Variants in IL20RA observed in about 807,000 individuals in gnomAD.
IL20RA encodes the protein interleukin 20 receptor subunit alpha.
A neutral mutation model predicts 36.5 loss-of-function variants in IL20RA; 29 were observed. The ratio of observed to expected loss-of-function variants is 0.79; its 90% confidence interval spans 0.59 to 1.08. IL20RA has a LOEUF of 1.08. IL20RA is among the 50% of genes least tolerant of loss of function. The probability of loss-of-function intolerance (pLI) is 0.00; values close to 1 mark genes in which losing one functional copy is unlikely to be tolerated. For synonymous variants in IL20RA, 279 were observed against 267.1 expected (o/e 1.04, Z -0.43); for missense variants, 652 against 668.4 (o/e 0.98, Z 0.27).
At chr6:137,011,155 G>A in intron 3 of IL20RA, 119 bp downstream of exon 3, 1 of 756,004 alleles carries the variant, frequency 1.3e-6, no homozygotes, top group South Asian at 2.0e-5. Context: ...CAACCCACTG[G>A]TCCAGAATAC....
At position 137,000,891 on chromosome 6, in the gene IL20RA, T is replaced by G. The variant is rs968254991; in HGVS notation, c.*667A>C. ...CTAAATTATTGAGAGGACACTTTTCTGACTACAAAAGAATACTCGTTTATG... is the reference window on the plus strand; with the variant it reads ...CTAAATTATTGAGAGGACACTTTTCGGACTACAAAAGAATACTCGTTTATG... On this transcript the variant is annotated 3_prime_UTR_variant, in exon 7 of 7. Coordinates refer to ENST00000316649, the MANE Select transcript of IL20RA (RefSeq NM_014432.4). 8 of 152,224 alleles carry G rather than the reference T, an allele frequency of 5.3e-5. No homozygotes were observed. The highest frequency in any genetic ancestry group is 1.7e-4 in the African/African-American group (7 of 41,452). 9.4% of individuals were successfully genotyped at this position (152,224 alleles called of 1,614,324 possible).
intron 1 of IL20RA, among the ~76,000 whole-genome samples, chr6:137,038,323 C>T (rs1776564252): frequency 6.9e-6 from 1 of 145,150 alleles, no homozygotes; most frequent in African/African-American, 2.6e-5. Flanking sequence ...TCAAGTGATC[C>T]TCCTGCCTCA....
At chr6:137,016,837 T>G in intron 2 of IL20RA, 131 bp downstream of exon 2, 1 of 844,224 alleles carries the variant, frequency 1.2e-6, no homozygotes, top group Non-Finnish European at 1.9e-6. Flanking sequence ...CCAGAAAACT[T>G]AACCTGAAAT....
chr6:137,044,716 C>T lies in IL20RA; in HGVS notation c.13G>A (p.Gly5Ser). The stretch of plus-strand genomic sequence containing the variant: ...GGCAGCGGCCGCAGGGCCGGGCGGC[C>T]GGGAGCCCGCATGGGCGGCGGGGCT... MRAPGRPALRPLPLP... is the reference protein window; with the variant it reads MRAPSRPALRPLPLP... Residue 5 changes from glycine (G) to serine (S), a missense_variant, in exon 1 of 7, where the codon GGC becomes AGC. Gly to Ser is a moderately conservative substitution (Grantham distance 56). Coordinates refer to ENST00000316649, the MANE Select transcript of IL20RA (RefSeq NM_014432.4). 8 of 1,219,852 alleles carry T rather than the reference C, an allele frequency of 6.6e-6. No individual in the cohort carries two copies. The highest frequency in any genetic ancestry group is 8.2e-6 in the Non-Finnish European group (8 of 980,746). 75.6% of individuals were successfully genotyped at this position (1,219,852 alleles called of 1,614,324 possible).
chr6:137,012,939 T>C (rs1775550062), intron 2 of IL20RA, among the ~76,000 whole-genome samples: 1 of 152,094 alleles, frequency 6.6e-6, no homozygotes, highest in Admixed American at 6.5e-5. Flanking sequence ...AACTTCTCCA[T>C]CCAAGTGATC....
chr6:137,006,726 C>CTTTT (rs35093154), intron 5 of IL20RA, among the ~76,000 whole-genome samples: 5 of 144,470 alleles, frequency 3.5e-5, no homozygotes, highest in Non-Finnish European at 7.6e-5. Context: ...ATTTTTCTTT[C>CTTTT]TTTTTTTTTT....
intron 1 of IL20RA, among the ~76,000 whole-genome samples, chr6:137,021,184 G>A (rs1240779158): frequency 6.6e-6 from 1 of 152,020 alleles, no homozygotes; most frequent in Non-Finnish European, 1.5e-5. Flanking sequence ...TGGATTAGTA[G>A]TATTTTGTTA....
intron 5 of IL20RA, among the ~76,000 whole-genome samples, chr6:137,005,181 T>C (rs1775236349): frequency 6.6e-6 from 1 of 152,234 alleles, no homozygotes; most frequent in South Asian, 2.1e-4. Context: ...TGCTCCACTT[T>C]TCCACGCCAC....
chr6:137,011,541 T>A, intron 2 of IL20RA, 89 bp from the exon 3 acceptor site: 1 of 828,252 alleles, frequency 1.2e-6, no homozygotes, highest in Non-Finnish European at 1.7e-6. Context: ...TGAATGGAAC[T>A]GACGACCTTC....
intron 4 of IL20RA, 75 bp from the exon 5 acceptor site, chr6:137,008,818 G>T: frequency 1.1e-6 from 1 of 941,240 alleles, no homozygotes; most frequent in Non-Finnish European, 1.5e-6. Flanking sequence ...ACTGTAGAAG[G>T]AAATAGAAGA....
chr6:137,033,468 C>G (rs1228613500), intron 1 of IL20RA, among the ~76,000 whole-genome samples: 2 of 152,222 alleles, frequency 1.3e-5, no homozygotes, highest in Non-Finnish European at 2.9e-5. Flanking sequence ...GGAATGCCCA[C>G]AAAGTGGGCA....
At chr6:137,040,718 C>T (rs188303975) in intron 1 of IL20RA, among the ~76,000 whole-genome samples, 9 of 152,114 alleles carry the variant, frequency 5.9e-5, no homozygotes, top group Admixed American at 4.6e-4. Context: ...TGAATAAATA[C>T]CTAAAAAGGC....
intron 1 of IL20RA, among the ~76,000 whole-genome samples, chr6:137,036,095 C>T (rs532921385): frequency 2.6e-5 from 4 of 152,270 alleles, no homozygotes; most frequent in East Asian, 1.9e-4. Flanking sequence ...GGTCAAGTTA[C>T]GGAAAGCACA....
chr6:137,020,837 T>G (rs276477), intron 1 of IL20RA, among the ~76,000 whole-genome samples: 124,751 of 152,176 alleles, frequency 0.82, 56,545 homozygotes, highest in East Asian at 1. Context: ...AGACCTGCAG[T>G]TTCTTCCTTT....
intron 2 of IL20RA, among the ~76,000 whole-genome samples, chr6:137,014,518 T>G (rs1050323091): frequency 7.9e-5 from 12 of 152,160 alleles, no homozygotes; most frequent in African/African-American, 2.9e-4. Flanking sequence ...GAAGTGAGAT[T>G]AAAGAAACTA....
At chr6:137,015,995 C>T (rs1018234939) in intron 2 of IL20RA, among the ~76,000 whole-genome samples, 15 of 152,168 alleles carry the variant, frequency 9.9e-5, no homozygotes. Context: ...TTCCATCAAA[C>T]ACCCTCTCAC....
intron 6 of IL20RA, among the ~76,000 whole-genome samples, chr6:137,002,663 C>T (rs753253088): frequency 4.6e-5 from 7 of 152,204 alleles, no homozygotes; most frequent in Non-Finnish European, 8.8e-5. Flanking sequence ...ATTTCTTGAC[C>T]TTTTTTACAT....
intron 2 of IL20RA, 69 bp downstream of exon 2, chr6:137,016,896 TATC>T: frequency 7.4e-7 from 1 of 1,355,126 alleles, no homozygotes; most frequent in Non-Finnish European, 1.0e-6. Flanking sequence ...ACGGAGAGTT[TATC>T]TTTACACAAT....
intron 6 of IL20RA, among the ~76,000 whole-genome samples, chr6:137,002,925 A>G (rs1775132407): frequency 6.6e-6 from 1 of 152,182 alleles, no homozygotes; most frequent in Non-Finnish European, 1.5e-5. Flanking sequence ...AATAGAGCCA[A>G]AAAAGGAAAT....
Sources: gnomAD v4.1 joint callset for allele counts (sites outside exome capture counted in the v4.1 genomes callset) on GRCh38, gnomAD v4.1.1 for gene constraint, MANE v1.5 for transcripts, NCBI Gene and HGNC (gene_info 2026-07-23, HGNC 2026-07-21) for gene names.